Variants in PAPPA2 observed in about 807,000 individuals in gnomAD.
PAPPA2 encodes pappalysin-2.
A neutral mutation model predicts 176.4 loss-of-function variants in PAPPA2; 86 were observed. That is an observed-to-expected ratio of 0.49 (90% CI 0.41 to 0.58). The LOEUF (loss-of-function observed/expected upper bound fraction) is 0.58, where lower values mean the gene tolerates loss of function less well. Among genes scored for constraint, PAPPA2 ranks in the 20% least tolerant of loss-of-function variants. The pLI, the probability that PAPPA2 is intolerant of heterozygous loss-of-function variation, is 0.00. For missense variants in PAPPA2, 2,073 were observed against 2,256.9 expected (o/e 0.92, Z 1.65); for synonymous variants, 809 against 852.2 (o/e 0.95, Z 0.88).
intron 21 of PAPPA2, among the ~76,000 whole-genome samples, chr1:176,815,991 G>A (rs921344867): frequency 6.6e-6 from 1 of 151,392 alleles, no homozygotes; most frequent in Non-Finnish European, 1.5e-5. Flanking sequence ...GAACCTTCTT[G>A]TGGACAAATT....
Position 176,508,251 on chromosome 1 carries a change from T to G in PAPPA2, c.-917+44833T>G, listed in dbSNP as rs577249053. Among the ~76,000 whole-genome samples, 9 of 152,224 alleles carry G rather than the reference T, an allele frequency of 5.9e-5. 1 individual carries two copies. The highest frequency in any genetic ancestry group is 8.8e-5 in the Non-Finnish European group (6 of 68,018). ...GCATTCCGTAAAATTACTAATCATG[T>G]GAAAACAGGAAAATATGATTCCATA... On this transcript the variant is annotated intron_variant, in intron 1 of 22. Coordinates refer to ENST00000367662, the MANE Select transcript of PAPPA2 (RefSeq NM_020318.3).
Position 176,699,254 on chromosome 1 carries a change from C to A in PAPPA2, c.2901C>A (p.Thr967=). 1 of 1,614,156 alleles carries A rather than the reference C, an allele frequency of 6.2e-7. No individual in the cohort carries two copies. Among genetic ancestry groups the A allele is most frequent in the Non-Finnish European group, 8.5e-7 (1 of 1,180,020 alleles). The change falls in exon 8 of 23, where the codon ACC becomes ACA. Residue 967 remains threonine, a synonymous_variant. Coordinates refer to ENST00000367662, the MANE Select transcript of PAPPA2 (RefSeq NM_020318.3). ...ACCCGGTCCAAGCCGACACCCTCACCCTGTGGGTCACTTCCTTCTTCATGG... is the reference window on the plus strand; with the variant it reads ...ACCCGGTCCAAGCCGACACCCTCACACTGTGGGTCACTTCCTTCTTCATGG... The part of the protein sequence containing the change: ...FQHPVQADTL[T]LWVTSFFMES...
intron 14 of PAPPA2, among the ~76,000 whole-genome samples, chr1:176,759,905 CT>C (rs1436763743): frequency 6.6e-6 from 1 of 152,192 alleles, no homozygotes; most frequent in African/African-American, 2.4e-5. Context: ...GAACCTACCC[CT>C]AAGTCTGTTT....
At chr1:176,702,844 T>A in intron 9 of PAPPA2, 109 bp downstream of exon 9, 1 of 1,395,604 alleles carries the variant, frequency 7.2e-7, no homozygotes, top group Non-Finnish European at 9.6e-7. Context: ...TAAACAGAAG[T>A]TTCAGGAGTT....
rs180965341 is a variant in PAPPA2 at position 176,583,977 on chromosome 1, C to T, written c.920-10547C>T. Reference sequence around the variant, plus strand: ...GGATGAGGTGGGAGGATTGTTTGCACCCAGGGAGTTGAGGCTGTACTGCCA... The same window carrying T: ...GGATGAGGTGGGAGGATTGTTTGCATCCAGGGAGTTGAGGCTGTACTGCCA... On this transcript the variant is annotated intron_variant, in intron 2 of 22. Transcript: ENST00000367662. 2.0e-4 allele frequency among the ~76,000 whole-genome samples: 30 copies of T among 152,232 alleles called. No individual in the cohort carries two copies. In the East Asian group the frequency reaches 4.6e-3, roughly 24 times the overall value.
At position 176,702,732 on chromosome 1, in the gene PAPPA2, C is replaced by T. The variant is rs759553596; in HGVS notation, c.3362C>T (p.Ser1121Leu). ...CCTTATTGTGGAGATGGGAAGGTGT[C>T]AGAGTGAGTATTTTGTGTGTGTGTG... is the stretch of plus-strand genomic sequence containing the variant. Reference protein sequence around the residue: ...GAPYCGDGKVSERLGEECDDG... With the variant: ...GAPYCGDGKVLERLGEECDDG... Residue 1121 changes from serine (S) to leucine (L), a missense_variant, in exon 9 of 23, where the codon TCA becomes TTA. Around this residue, in one of 4 missense-constraint regions of PAPPA2, gnomAD observed 846 missense variants for 857.9 expected, o/e 0.99. Coordinates refer to ENST00000367662, the MANE Select transcript of PAPPA2 (RefSeq NM_020318.3). The T allele has an allele frequency of 1.1e-5, 17 of 1,537,708 alleles. No homozygotes were observed. Among genetic ancestry groups the T allele is most frequent in the African/African-American group, 3.1e-5 (2 of 63,738 alleles).
chr1:176,715,514 G>A (rs1240958792), intron 12 of PAPPA2, among the ~76,000 whole-genome samples: 1 of 152,182 alleles, frequency 6.6e-6, no homozygotes, highest in Non-Finnish European at 1.5e-5. Context: ...GCTCGTTTCT[G>A]TTTGTGGTCA....
chr1:176,526,003 G>A (rs1649482441), intron 1 of PAPPA2, among the ~76,000 whole-genome samples: 1 of 152,170 alleles, frequency 6.6e-6, no homozygotes, highest in African/African-American at 2.4e-5. Flanking sequence ...GGTTATAAAA[G>A]CTGCCCAGTG....
chr1:176,748,822 G>T (rs1380924330), intron 14 of PAPPA2, among the ~76,000 whole-genome samples: 1 of 152,124 alleles, frequency 6.6e-6, no homozygotes, highest in Non-Finnish European at 1.5e-5. Context: ...CGAGCAGTAG[G>T]CTACACCATA....
chr1:176,571,079 A>T (rs895120542), intron 2 of PAPPA2, among the ~76,000 whole-genome samples: 1 of 152,132 alleles, frequency 6.6e-6, no homozygotes, highest in Admixed American at 6.5e-5. Context: ...CAGGGCCTGC[A>T]GCAGTATGGG....
chr1:176,670,334 CAT>C (rs2102772650), intron 3 of PAPPA2, among the ~76,000 whole-genome samples: 1 of 152,196 alleles, frequency 6.6e-6, no homozygotes, highest in African/African-American at 2.4e-5. Context: ...TACTAGGTAT[CAT>C]AAAGTAATTG....
chr1:176,750,544 G>T (rs1360683438), intron 14 of PAPPA2, among the ~76,000 whole-genome samples: 2 of 152,114 alleles, frequency 1.3e-5, no homozygotes, highest in South Asian at 2.1e-4. Context: ...TGCGGAGGTT[G>T]CAGTGAACCG....
intron 1 of PAPPA2, among the ~76,000 whole-genome samples, chr1:176,476,767 G>C (rs909920194): frequency 6.6e-6 from 1 of 152,202 alleles, no homozygotes; most frequent in African/African-American, 2.4e-5. Context: ...AGATTCCTGG[G>C]TTCTTCTTTA....
chr1:176,598,124 A>G (rs1654084486), intron 3 of PAPPA2, among the ~76,000 whole-genome samples: 2 of 152,242 alleles, frequency 1.3e-5, no homozygotes, highest in South Asian at 4.1e-4. Flanking sequence ...ACTAACTCAA[A>G]GTAAAAAAGT....
chr1:176,626,758 C>T (rs11809546), intron 3 of PAPPA2, among the ~76,000 whole-genome samples: 11,232 of 152,140 alleles, frequency 0.074, 1,373 homozygotes, highest in African/African-American at 0.26. Flanking sequence ...CAGCTGGAGA[C>T]TTGATGTCCA....
chr1:176,574,690 T>C (rs1163514339), intron 2 of PAPPA2, among the ~76,000 whole-genome samples: 1 of 152,206 alleles, frequency 6.6e-6, no homozygotes, highest in Non-Finnish European at 1.5e-5. Context: ...AGGTAGCTTT[T>C]ACTGATCCCT....
intron 3 of PAPPA2, among the ~76,000 whole-genome samples, chr1:176,664,819 C>T (rs1658545349): frequency 6.6e-6 from 1 of 152,100 alleles, no homozygotes; most frequent in Non-Finnish European, 1.5e-5. Flanking sequence ...AATGTCTTGT[C>T]AGGTTTTCCA....
At chr1:176,655,968 G>T (rs757268872) in intron 3 of PAPPA2, among the ~76,000 whole-genome samples, 3 of 151,746 alleles carry the variant, frequency 2.0e-5, no homozygotes, top group Admixed American at 2.0e-4. Flanking sequence ...TCACTGTCCC[G>T]TGATATATAA....
At position 176,631,984 on chromosome 1, in the gene PAPPA2, A is replaced by T. The variant is rs974038592; in HGVS notation, c.1991+36389A>T. The stretch of plus-strand genomic sequence containing the variant: ...GCAAAAGGAGAAAGGATAGAGGATG[A>T]TGGAGATGTTTGTAGCCTAGAAGTA... On this transcript the variant is annotated intron_variant, in intron 3 of 22. Transcript: ENST00000367662. Among the ~76,000 whole-genome samples, 27 of 152,078 alleles carry T rather than the reference A, an allele frequency of 1.8e-4. 1 individual carries two copies. The highest frequency in any genetic ancestry group is 1.3e-4 in the Non-Finnish European group (9 of 68,012).
Sources: allele counts gnomAD v4.1 joint callset (sites outside exome capture counted in the v4.1 genomes callset), GRCh38; gene constraint gnomAD v4.1.1; regional missense constraint gnomAD v4.1.1; transcripts MANE v1.5; gene names NCBI Gene and HGNC (gene_info 2026-07-23, HGNC 2026-07-21).